The following TRPC4 variants were observed in gnomAD, a reference collection of about 807,000 sequenced individuals.
The protein encoded by TRPC4 is short transient receptor potential channel 4.
In TRPC4, 49 loss-of-function variants were observed where a neutral mutation model predicts 99.4. The observed-to-expected ratio is 0.49, with a 90% confidence interval of 0.39 to 0.63. The LOEUF is 0.63. Ranked by LOEUF, TRPC4 falls within the 20% of genes least tolerant of loss-of-function variation. TRPC4 has a pLI of 0.00. For missense variants in TRPC4, 898 were observed against 1,152.9 expected (o/e 0.78, Z 3.20); for synonymous variants, 454 against 425.9 (o/e 1.07, Z -0.81).
At chr13:37,862,576 A>G (rs1385302988) in intron 1 of TRPC4, among the ~76,000 whole-genome samples, 1 of 151,504 alleles carries the variant, frequency 6.6e-6, no homozygotes, top group African/African-American at 2.4e-5. Flanking sequence ...TATAGACTCT[A>G]CTCATTGTAA....
intron 2 of TRPC4, among the ~76,000 whole-genome samples, chr13:37,756,681 C>A (rs1300565492): frequency 6.6e-6 from 1 of 151,514 alleles, no homozygotes; most frequent in Non-Finnish European, 1.5e-5. Context: ...TACAGGCAGG[C>A]ACCACCACAC....
chr13:37,824,693 T>A lies in TRPC4; in HGVS notation c.-27-41333A>T, dbSNP rs144696632. Among the ~76,000 whole-genome samples the A allele has an allele frequency of 8.9e-3, 1,359 of 152,300 alleles. 35 individuals are homozygous for A. In the East Asian group the frequency reaches 0.1, roughly 11 times the overall value. On this transcript the variant is annotated intron_variant, in intron 1 of 10. Coordinates refer to ENST00000379705, the MANE Select transcript of TRPC4 (RefSeq NM_016179.4). The stretch of plus-strand genomic sequence containing the variant: ...GGTTTGCCATTATTTTATTGAGGAT[T>A]TTTGCATCAATGTTCATCGAGGATA...
At chr13:37,835,015 A>T (rs1031779479) in intron 1 of TRPC4, among the ~76,000 whole-genome samples, 1 of 151,406 alleles carries the variant, frequency 6.6e-6, no homozygotes, top group Non-Finnish European at 1.5e-5. Flanking sequence ...GATTACAGGC[A>T]TGAACCACCA....
intron 3 of TRPC4, among the ~76,000 whole-genome samples, chr13:37,706,784 A>G (rs1181445819): frequency 6.6e-6 from 1 of 152,120 alleles, no homozygotes. Context: ...CTTGGAAAGT[A>G]CATCTTTACA....
chr13:37,761,850 C>T (rs745569060), intron 2 of TRPC4, among the ~76,000 whole-genome samples: 13 of 151,734 alleles, frequency 8.6e-5, no homozygotes, highest in African/African-American at 1.2e-4. Flanking sequence ...TCCTGGCGGG[C>T]CGATTTTGTA....
intron 1 of TRPC4, among the ~76,000 whole-genome samples, chr13:37,867,594 TAAAAG>T (rs1484803960): frequency 6.6e-6 from 1 of 152,048 alleles, no homozygotes; most frequent in East Asian, 1.9e-4. Context: ...TTTGAAATCA[TAAAAG>T]AAAAATTAAA....
At chr13:37,686,072 G>A (rs1297632761) in intron 4 of TRPC4, among the ~76,000 whole-genome samples, 1 of 152,094 alleles carries the variant, frequency 6.6e-6, no homozygotes, top group Non-Finnish European at 1.5e-5. Flanking sequence ...AGTTTGCTAA[G>A]ATTATTTGAG....
At position 37,636,888 on chromosome 13, in the gene TRPC4, T is replaced by C. The variant is rs1951537441; in HGVS notation, c.*15A>G. ...AAATACGTATGTGTATGGTAAACGCTTCCTCCTTCAAGTATCACAATCTTG... is the reference window on the plus strand; with the variant it reads ...AAATACGTATGTGTATGGTAAACGCCTCCTCCTTCAAGTATCACAATCTTG... On this transcript the variant is annotated 3_prime_UTR_variant, in exon 11 of 11. Transcript: ENST00000379705. 1 of 1,600,854 alleles carries C rather than the reference T, an allele frequency of 6.2e-7. No homozygotes were observed. Among genetic ancestry groups the C allele is most frequent in the Non-Finnish European group, 8.5e-7 (1 of 1,173,112 alleles).
intron 1 of TRPC4, among the ~76,000 whole-genome samples, chr13:37,841,142 A>G (rs559645244): frequency 6.6e-6 from 1 of 152,254 alleles, no homozygotes; most frequent in African/African-American, 2.4e-5. Context: ...TTTACAGAGG[A>G]TCACAATGAG....
intron 3 of TRPC4, among the ~76,000 whole-genome samples, chr13:37,708,662 T>C (rs946569731): frequency 6.7e-6 from 1 of 149,866 alleles, no homozygotes; most frequent in Non-Finnish European, 1.5e-5. Context: ...TGTATATATA[T>C]ACACACACAC....
At chr13:37,776,715 G>T (rs1354780718) in intron 2 of TRPC4, among the ~76,000 whole-genome samples, 1 of 151,872 alleles carries the variant, frequency 6.6e-6, no homozygotes, top group Non-Finnish European at 1.5e-5. Flanking sequence ...ACCATATAAA[G>T]TTCATGCGAT....
At chr13:37,829,954 AAGT>A (rs1958366533) in intron 1 of TRPC4, among the ~76,000 whole-genome samples, 2 of 152,176 alleles carry the variant, frequency 1.3e-5, no homozygotes, top group Non-Finnish European at 2.9e-5. Context: ...TGGGAAAAGA[AAGT>A]AGATCAGTGA....
rs78602215 is a variant in TRPC4, at chr13:37,769,842, G to A, written c.378+13114C>T. ...GACATAGATCAAACTGGTGTACTTCGTTCTGAAATTAATAATCATGACGAT... is the reference window on the plus strand; with the variant it reads ...GACATAGATCAAACTGGTGTACTTCATTCTGAAATTAATAATCATGACGAT... On this transcript the variant is annotated intron_variant, in intron 2 of 10. Coordinates refer to ENST00000379705, the MANE Select transcript of TRPC4 (RefSeq NM_016179.4). Among the ~76,000 whole-genome samples, 1,209 of 151,578 alleles carry A rather than the reference G, an allele frequency of 8.0e-3. 17 individuals carry two copies. Among genetic ancestry groups the A allele is most frequent in the African/African-American group, 0.028 (1,143 of 41,424 alleles).
chr13:37,798,636 G>A (rs1055548316), intron 1 of TRPC4, among the ~76,000 whole-genome samples: 1 of 151,974 alleles, frequency 6.6e-6, no homozygotes, highest in African/African-American at 2.4e-5. Context: ...CAAATATTTT[G>A]TCTACATAGT....
chr13:37,775,527 A>T (rs1479937487), intron 2 of TRPC4, among the ~76,000 whole-genome samples: 1 of 151,418 alleles, frequency 6.6e-6, no homozygotes, highest in Admixed American at 6.6e-5. Flanking sequence ...TTAGCCCAGC[A>T]TCCATGATGA....
chr13:37,755,743 T>C (rs748239811), intron 2 of TRPC4, among the ~76,000 whole-genome samples: 6 of 152,160 alleles, frequency 3.9e-5, no homozygotes, highest in African/African-American at 7.2e-5. Context: ...TGAAAGTCTC[T>C]TAAAGATAGT....
intron 1 of TRPC4, among the ~76,000 whole-genome samples, chr13:37,805,796 T>C (rs532441487): frequency 6.6e-6 from 1 of 152,154 alleles, no homozygotes; most frequent in African/African-American, 2.4e-5. Context: ...ACTGATCTAA[T>C]GTCAACTAAA....
At chr13:37,764,280 ACT>A (rs1390493215) in intron 2 of TRPC4, among the ~76,000 whole-genome samples, 7 of 151,158 alleles carry the variant, frequency 4.6e-5, no homozygotes, top group Admixed American at 4.0e-4. Flanking sequence ...CTGTTGAAAT[ACT>A]CTCTTTTTAT....
At chr13:37,822,725 GA>G (rs1566197848) in intron 1 of TRPC4, among the ~76,000 whole-genome samples, 2 of 151,410 alleles carry the variant, frequency 1.3e-5, no homozygotes, top group African/African-American at 4.9e-5. Flanking sequence ...ATGCCGCAAT[GA>G]ACATACGTGT....
Sources: gnomAD v4.1 joint callset for allele counts (sites outside exome capture counted in the v4.1 genomes callset) on GRCh38, gnomAD v4.1.1 for gene constraint, MANE v1.5 for transcripts, NCBI Gene and HGNC (gene_info 2026-07-23, HGNC 2026-07-21) for gene names.